The following NBEA variants were observed in gnomAD, a reference collection of about 807,000 sequenced individuals.
NBEA encodes neurobeachin.
Under a neutral mutation model 343.4 loss-of-function variants are expected in NBEA, and 44 were observed. The observed-to-expected ratio is 0.13, with a 90% CI of 0.10 to 0.16. NBEA has a LOEUF of 0.16. NBEA is among the 10% of genes least tolerant of loss of function. The pLI, the probability that NBEA is intolerant of heterozygous loss-of-function variation, is 1.00. For synonymous variants in NBEA, 1,175 were observed against 1,238.7 expected (o/e 0.95, Z 1.08); for missense variants, 2,555 against 3,631.3 (o/e 0.70, Z 7.62).
intron 36 of NBEA, among the ~76,000 whole-genome samples, chr13:35,344,343 CA>C (rs542340476): frequency 5.4e-5 from 8 of 148,888 alleles, no homozygotes; most frequent in African/African-American, 9.8e-5. Flanking sequence ...TCTCTAACTG[CA>C]AAAAAAAATG....
intron 22 of NBEA, among the ~76,000 whole-genome samples, chr13:35,160,942 G>C (rs1012829613): frequency 6.6e-6 from 1 of 152,152 alleles, no homozygotes; most frequent in South Asian, 2.1e-4. Flanking sequence ...AAAATACATT[G>C]AATGTGTTTC....
intron 1 of NBEA, among the ~76,000 whole-genome samples, chr13:35,032,959 C>A (rs1053234255): frequency 6.6e-6 from 1 of 151,744 alleles, no homozygotes. Flanking sequence ...TGGATTGTCT[C>A]TTCACTTTGT....
At chr13:35,275,866 G>T (rs908032542) in intron 34 of NBEA, among the ~76,000 whole-genome samples, 7 of 151,884 alleles carry the variant, frequency 4.6e-5, no homozygotes, top group African/African-American at 1.7e-4. Context: ...CAGATCCTGG[G>T]GGGAGGGATA....
At chr13:35,051,131 C>G (rs1253567405) in intron 6 of NBEA, among the ~76,000 whole-genome samples, 2 of 151,850 alleles carry the variant, frequency 1.3e-5, no homozygotes, top group African/African-American at 4.8e-5. Flanking sequence ...TCTGAAAATC[C>G]AGATGAAAGA....
intron 48 of NBEA, among the ~76,000 whole-genome samples, chr13:35,608,399 G>T (rs1266342208): frequency 6.6e-6 from 1 of 151,956 alleles, no homozygotes; most frequent in African/African-American, 2.4e-5. Flanking sequence ...ATTCTTTTTA[G>T]AATTGGTATT....
At chr13:35,251,309 T>C in intron 34 of NBEA, 1 of 849,170 alleles carries the variant, frequency 1.2e-6, no homozygotes, top group Non-Finnish European at 1.4e-6. Context: ...TCCCTGTGCA[T>C]CCGCTTCCAG....
At chr13:35,593,251 GA>G in intron 46 of NBEA, 76 bp from the exon 47 acceptor site, 1 of 1,507,990 alleles carries the variant, frequency 6.6e-7, no homozygotes, top group Non-Finnish European at 9.0e-7. Context: ...GGATTTTCAA[GA>G]TAGCCATGTT....
At chr13:35,504,621 G>A (rs1307202213) in intron 41 of NBEA, among the ~76,000 whole-genome samples, 2 of 151,892 alleles carry the variant, frequency 1.3e-5, no homozygotes, top group African/African-American at 4.8e-5. Flanking sequence ...TTATATTGTA[G>A]GTAGGAGGGA....
chr13:35,061,658 G>C (rs534334532), intron 8 of NBEA, among the ~76,000 whole-genome samples: 13 of 151,724 alleles, frequency 8.6e-5, no homozygotes, highest in African/African-American at 2.7e-4. Flanking sequence ...TTTATGAATT[G>C]CTATATCATA....
At position 35,668,454 on chromosome 13, in the gene NBEA, G is replaced by A. The variant is rs556958491; in HGVS notation, c.8748G>A (p.Lys2916=). The change falls in exon 58 of 59, where the codon AAG becomes AAA. Residue 2916 remains lysine, a synonymous_variant. Transcript: ENST00000379939. ...AGGTCTGGCAGGCCTGTGACTTCAAGCAACTGTACATTTACCCTGGATGTG... is the reference window on the plus strand; with the variant it reads ...AGGTCTGGCAGGCCTGTGACTTCAAACAACTGTACATTTACCCTGGATGTG... ...VVEVWQACDF[K]QLYIYPGCDA... 30 of 1,613,538 alleles carry A rather than the reference G, an allele frequency of 1.9e-5. 2 individuals are homozygous for A. The South Asian group carries it at 3.3e-4, about 18-fold the overall frequency.
chr13:35,262,543 A>G (rs1469647026), intron 34 of NBEA, among the ~76,000 whole-genome samples: 2 of 152,224 alleles, frequency 1.3e-5, no homozygotes, highest in African/African-American at 2.4e-5. Context: ...CATTATTACA[A>G]TGAGTTTTCT....
At chr13:35,211,257 A>T (rs1171218596) in intron 33 of NBEA, 78 bp downstream of exon 33, 1 of 1,226,650 alleles carries the variant, frequency 8.2e-7, no homozygotes, top group African/African-American at 1.5e-5. Context: ...AAAAATATAG[A>T]AAGAGTTCTT....
chr13:35,406,860 C>T (rs1239855027), intron 38 of NBEA, among the ~76,000 whole-genome samples: 2 of 151,802 alleles, frequency 1.3e-5, no homozygotes, highest in East Asian at 1.9e-4. Context: ...GAGTTGAGCT[C>T]AATTTCCTGG....
At chr13:35,179,725 T>C (rs2071177177) in intron 28 of NBEA, 1 of 971,052 alleles carries the variant, frequency 1.0e-6, no homozygotes, top group Non-Finnish European at 1.2e-6. Flanking sequence ...ACTGAGTTTC[T>C]AGTGTTAGAA....
At chr13:35,415,969 C>G (rs1357902995) in intron 38 of NBEA, among the ~76,000 whole-genome samples, 1 of 152,060 alleles carries the variant, frequency 6.6e-6, no homozygotes, top group African/African-American at 2.4e-5. Flanking sequence ...AAGTTGGATT[C>G]CTAGGCATTT....
intron 34 of NBEA, among the ~76,000 whole-genome samples, chr13:35,234,259 T>C (rs965001946): frequency 2.0e-5 from 3 of 152,116 alleles, no homozygotes; most frequent in Admixed American, 2.0e-4. Flanking sequence ...AAGTGAAGTA[T>C]AAAATGCTCT....
intron 31 of NBEA, among the ~76,000 whole-genome samples, chr13:35,208,324 A>G (rs549246621): frequency 1.3e-5 from 2 of 152,198 alleles, no homozygotes; most frequent in East Asian, 3.9e-4. Context: ...AGAATGTGAT[A>G]TGGGTAAGAT....
chr13:35,311,126 T>C (rs1421781434), intron 36 of NBEA, among the ~76,000 whole-genome samples: 1 of 152,146 alleles, frequency 6.6e-6, no homozygotes, highest in Admixed American at 6.5e-5. Flanking sequence ...ACGCAAATAG[T>C]GTTTTACATA....
intron 34 of NBEA, among the ~76,000 whole-genome samples, chr13:35,289,651 T>C (rs1299664645): frequency 6.6e-6 from 1 of 151,902 alleles, no homozygotes; most frequent in Non-Finnish European, 1.5e-5. Context: ...ATAATAATAC[T>C]ATGTCACAGA....
Sources: gnomAD v4.1 joint callset for allele counts (sites outside exome capture counted in the v4.1 genomes callset) on GRCh38, gnomAD v4.1.1 for gene constraint, MANE v1.5 for transcripts, NCBI Gene and HGNC (gene_info 2026-07-23, HGNC 2026-07-21) for gene names.